LRRC46: variants seen among roughly 807,000 people sequenced by gnomAD.
The protein encoded by LRRC46 is leucine-rich repeat-containing protein 46.
Under a neutral mutation model 28.0 loss-of-function variants are expected in LRRC46, and 20 were observed. The ratio of observed to expected loss-of-function variants is 0.71; its 90% CI spans 0.50 to 1.04. LRRC46 has a LOEUF of 1.04. Ranked by LOEUF, LRRC46 falls within the 50% of genes least tolerant of loss-of-function variation. The pLI is 0.00. For missense variants in LRRC46, 315 were observed against 390.1 expected (o/e 0.81, Z 1.62); for synonymous variants, 156 against 158.8 (o/e 0.98, Z 0.13).
At chr17:47,834,173 A>G (rs2033667529) in intron 2 of LRRC46, 2 of 1,072,188 alleles carry the variant, frequency 1.9e-6, no homozygotes, top group Non-Finnish European at 2.3e-6. Context: ...CCATCCCCCA[A>G]TTTCCCAGAG....
Position 47,836,341 on chromosome 17 carries a change from T to A in LRRC46, c.461T>A (p.Val154Glu). 2 of 1,613,858 alleles carry A rather than the reference T, an allele frequency of 1.2e-6. No individual in the cohort carries two copies. Among genetic ancestry groups the A allele is most frequent in the East Asian group, 2.2e-5 (1 of 44,874 alleles). ...CTCCTTCTGCTCTGCAGCGAGCTGG[T>A]GACAGAAGCCCTGCCACTTCTCCTG... Reference protein sequence around the residue: ...CTNQDGYRELVTEALPLLLDL... With the variant: ...CTNQDGYRELETEALPLLLDL... Residue 154 changes from valine to glutamate, a missense_variant, in exon 7 of 8, where the codon GTG (valine) becomes GAG (glutamate). Transcript: ENST00000269025. The surrounding 1 kb of genome is among the most constrained non-coding windows in gnomAD (Gnocchi z 5.8).
intron 5 of LRRC46, 71 bp from the exon 6 acceptor site, chr17:47,835,962 T>C: frequency 6.5e-7 from 1 of 1,533,632 alleles, no homozygotes; most frequent in Non-Finnish European, 9.0e-7. Flanking sequence ...AGAACCCCAT[T>C]CCCATCGCTT....
chr17:47,832,358 C>G (rs374218055), intron 2 of LRRC46, among the ~76,000 whole-genome samples, 153 bp downstream of exon 2: 1 of 152,196 alleles, frequency 6.6e-6, no homozygotes, highest in East Asian at 1.9e-4. Flanking sequence ...TTCCCTTCTT[C>G]AAAATAATTC....
chr17:47,834,620 C>A, intron 3 of LRRC46, 87 bp downstream of exon 3: 1 of 814,500 alleles, frequency 1.2e-6, no homozygotes, highest in Non-Finnish European at 2.1e-6. Flanking sequence ...GGTCATCCTG[C>A]CCATTCCCTG....
rs1393707365 is a variant in LRRC46 at position 47,834,508 on chromosome 17, A to T, written c.200A>T (p.Asn67Ile). The T allele has an allele frequency of 6.2e-7, 1 of 1,612,342 alleles. No individual in the cohort carries two copies. The highest frequency in any genetic ancestry group is 2.2e-5 in the East Asian group (1 of 44,846). Residue 67 changes from asparagine to isoleucine, a missense_variant, in exon 3 of 8, where the codon AAT (asparagine) becomes ATT (isoleucine). Coordinates refer to ENST00000269025, the MANE Select transcript of LRRC46 (RefSeq NM_033413.4). ...ATCAGGAACTTAGAAGGCCTCCAGAATCTTCACAGTCTCTATCTGCAAGGG... is the reference window on the plus strand; with the variant it reads ...ATCAGGAACTTAGAAGGCCTCCAGATTCTTCACAGTCTCTATCTGCAAGGG... ...TTIRNLEGLQ[N>I]LHSLYLQGNK...
rs753295670 is a variant in LRRC46 at position 47,837,323 on chromosome 17, C to G, written c.*203C>G. 1 of 667,402 alleles carries G rather than the reference C, an allele frequency of 1.5e-6. No homozygotes were observed. Among genetic ancestry groups the G allele is most frequent in the Non-Finnish European group, 2.3e-6 (1 of 425,602 alleles). The allele number at this position is 667,402 out of a possible 1,614,324, so 41.3% of individuals were successfully genotyped here. Reference sequence around the variant, plus strand: ...ACAGAGCTCAGTGAGCCACCTGATTCTAAAGAGCGAGTCTGGAATCTTTCG... The same window carrying G: ...ACAGAGCTCAGTGAGCCACCTGATTGTAAAGAGCGAGTCTGGAATCTTTCG... On this transcript the variant is annotated 3_prime_UTR_variant, in exon 8 of 8. Transcript: ENST00000269025.
intron 2 of LRRC46, 115 bp downstream of exon 2, chr17:47,832,320 T>G (rs2143605264): frequency 1.5e-6 from 1 of 685,600 alleles, no homozygotes; most frequent in East Asian, 2.9e-5. Flanking sequence ...ACTCCACACA[T>G]TCAATCAGTG....
chr17:47,836,491 A>G lies in LRRC46; in HGVS notation c.595+16A>G. The G allele has an allele frequency of 6.2e-7, 1 of 1,612,860 alleles. No individual in the cohort carries two copies. ...TCAGAACGAGGTGACCCTGCTTTCC[A>G]AGGTTTTCAGCCTCCCCAGAGCCCA... On this transcript the variant is annotated intron_variant, in intron 7 of 7. Coordinates refer to ENST00000269025, the MANE Select transcript of LRRC46 (RefSeq NM_033413.4). The surrounding 1 kb of genome is among the most constrained non-coding windows in gnomAD (Gnocchi z 5.8).
At chr17:47,834,000 G>A in intron 2 of LRRC46, 2 of 987,302 alleles carry the variant, frequency 2.0e-6, no homozygotes, top group Non-Finnish European at 2.4e-6. Context: ...TGAATGAATG[G>A]GTGGATGGAA....
At chr17:47,833,314 G>T (rs1007367857) in intron 2 of LRRC46, among the ~76,000 whole-genome samples, 4 of 151,910 alleles carry the variant, frequency 2.6e-5, no homozygotes, top group Non-Finnish European at 5.9e-5. Flanking sequence ...ACTTGTCAGG[G>T]ATGTTTGGCC....
chr17:47,833,326 TATTC>T (rs1041164520), intron 2 of LRRC46, among the ~76,000 whole-genome samples: 34 of 152,126 alleles, frequency 2.2e-4, no homozygotes, highest in African/African-American at 7.5e-4. Flanking sequence ...TGTTTGGCCT[TATTC>T]TTTCTTTCTT....
Position 47,832,184 on chromosome 17 carries a change from A to T in LRRC46, c.95A>T (p.Asp32Val). The T allele has an allele frequency of 6.3e-7, 1 of 1,598,136 alleles. No individual in the cohort carries two copies. Among genetic ancestry groups the T allele is most frequent in the Non-Finnish European group, 8.5e-7 (1 of 1,170,848 alleles). Residue 32 changes from aspartate to valine, a missense_variant, in exon 2 of 8, where the codon GAT becomes GTT. Asp to Val is a radical substitution (Grantham distance 152, BLOSUM62 -3). Coordinates refer to ENST00000269025, the MANE Select transcript of LRRC46 (RefSeq NM_033413.4). ...AAGCGGAACTTGACTTTCCCTGAAG[A>T]TGGGGAACTGTCAGAGAAGATGTGA... is the stretch of plus-strand genomic sequence containing the variant. The part of the protein sequence containing the change: ...ITKRNLTFPE[D>V]GELSEKMFHT...
At chr17:47,835,589 G>A in intron 4 of LRRC46, 77 bp from the exon 5 acceptor site, 2 of 1,495,724 alleles carry the variant, frequency 1.3e-6, no homozygotes, top group East Asian at 2.3e-5. Context: ...AGGGGCCCCG[G>A]TGTCAGGTGC....
Position 47,831,868 on chromosome 17 carries a change from C to G in LRRC46, c.-122C>G, listed in dbSNP as rs1462763129. On this transcript the variant is annotated 5_prime_UTR_variant, in exon 1 of 8. Transcript: ENST00000269025. The stretch of plus-strand genomic sequence containing the variant: ...CTCTGAATCAACCCCCTTTCCTCCT[C>G]TCCTAAGTCTCTGAGTTTCTCTCTC... 2 of 1,321,784 alleles carry G rather than the reference C, an allele frequency of 1.5e-6. No homozygotes were observed. The highest frequency in any genetic ancestry group is 2.1e-6 in the Non-Finnish European group (2 of 932,016). 81.9% of individuals were successfully genotyped at this position (1,321,784 alleles called of 1,614,324 possible). A position where few individuals can be genotyped will look rare whatever the true frequency, so the allele number is the denominator to read the frequency against.
chr17:47,834,107 A>G (rs1598044090), intron 2 of LRRC46: 2 of 1,041,344 alleles, frequency 1.9e-6, no homozygotes, highest in Non-Finnish European at 2.3e-6. Context: ...CCACCATCCA[A>G]GCTGGCCAGA....
chr17:47,831,915 C>A lies in LRRC46; in HGVS notation c.-75C>A. The A allele has an allele frequency of 2.5e-6, 4 of 1,596,232 alleles. No individual in the cohort carries two copies. The highest frequency in any genetic ancestry group is 3.4e-6 in the Non-Finnish European group (4 of 1,166,420). On this transcript the variant is annotated 5_prime_UTR_variant, in exon 1 of 8. Transcript: ENST00000269025. ...TCTCCTCCTGCCATCCTGAGTTCTG[C>A]CATCCTTAGGGGCCGCCAAGACCTC...
Position 47,835,347 on chromosome 17 carries a change from T to C in LRRC46, c.226-6T>C, listed in dbSNP as rs943307612. The C allele has an allele frequency of 9.9e-6, 16 of 1,614,098 alleles. No homozygotes were observed. The highest frequency in any genetic ancestry group is 2.7e-5 in the African/African-American group (2 of 74,934). On this transcript the variant is annotated splice_polypyrimidine_tract_variant and splice_region_variant and intron_variant, in intron 3 of 7. Coordinates refer to ENST00000269025, the MANE Select transcript of LRRC46 (RefSeq NM_033413.4). Reference sequence around the variant, plus strand: ...TTGGTTTCCCCACTTCGGTTTCTTCTTGCAGAATAAGATCCAGCAAATTGA... The same window carrying C: ...TTGGTTTCCCCACTTCGGTTTCTTCCTGCAGAATAAGATCCAGCAAATTGA...
In LRRC46 at chr17:47,834,547, C is replaced by T. The variant is rs774508336; in HGVS notation, c.225+14C>T. The T allele has an allele frequency of 5.2e-6, 8 of 1,545,842 alleles. No homozygotes were observed. In the African/African-American group the frequency reaches 1.1e-4, roughly 21 times the overall value. On this transcript the variant is annotated intron_variant, in intron 3 of 7. Transcript: ENST00000269025. ...TATCTGCAAGGGGTAACTTCTTTCTCCACCCTTCCCCTCCCCTTGACCCCT... is the reference window on the plus strand; with the variant it reads ...TATCTGCAAGGGGTAACTTCTTTCTTCACCCTTCCCCTCCCCTTGACCCCT...
At position 47,832,045 on chromosome 17, in the gene LRRC46, G is replaced by A. The variant is rs1003412882; in HGVS notation, c.10+46G>A. 6.2e-6 allele frequency: 10 copies of A among 1,613,876 alleles called. No individual in the cohort carries two copies. In the Admixed American group the frequency reaches 1.7e-4, roughly 27 times the overall value. ...GTGGGTAGAGCAGTTGGAAAACAGCGGGGTAAGGCCTCCAAGAGTGAGGAA... is the reference window on the plus strand; with the variant it reads ...GTGGGTAGAGCAGTTGGAAAACAGCAGGGTAAGGCCTCCAAGAGTGAGGAA... On this transcript the variant is annotated intron_variant, in intron 1 of 7. Coordinates refer to ENST00000269025, the MANE Select transcript of LRRC46 (RefSeq NM_033413.4).
Sources: gnomAD v4.1 joint callset for allele counts (sites outside exome capture counted in the v4.1 genomes callset) on GRCh38, gnomAD v4.1.1 for gene constraint, Gnocchi (gnomAD v3.1) non-coding constraint, MANE v1.5 for transcripts, NCBI Gene and HGNC (gene_info 2026-07-23, HGNC 2026-07-21) for gene names.